Variants in COCH observed in about 807,000 individuals in gnomAD.
COCH encodes cochlin.
Under a neutral mutation model 54.8 loss-of-function variants are expected in COCH, and 40 were observed. The ratio of observed to expected loss-of-function variants is 0.73; its 90% CI spans 0.57 to 0.95. The LOEUF (loss-of-function observed/expected upper bound fraction) is 0.95. Ranked by LOEUF, COCH falls within the 40% of genes least tolerant of loss-of-function variation. COCH has a pLI of 0.00. For missense variants in COCH, 605 were observed against 675.0 expected, an observed-to-expected ratio of 0.90 and a Z score of 1.15; for synonymous variants, 256 against 237.9, an observed-to-expected ratio of 1.08 and a Z score of -0.70.
intron 5 of COCH, 91 bp downstream of exon 5, chr14:30,879,035 GAA>G (rs1895477125): frequency 6.5e-7 from 1 of 1,533,594 alleles, no homozygotes; most frequent in Admixed American, 1.7e-5. Context: ...AACCTTGATG[GAA>G]AAACCTGTGA....
In COCH at chr14:30,882,120, G is replaced by GTTTTTTTTTTTTTTTTTTTTTTTTTTT. The variant is rs61175020; in HGVS notation, c.629+1387_629+1413dup. ...CCCTAGAGATAATCACTATAAAATG[G>GTTTTTTTTTTTTTTTTTTTTTTTTTTT]TTTTTTTTTTTTTTTTTTTTTTTTT... On this transcript the variant is annotated intron_variant, in intron 8 of 11. Transcript: ENST00000396618. 5.9e-4 allele frequency among the ~76,000 whole-genome samples: 40 copies of GTTTTTTTTTTTTTTTTTTTTTTTTTTT among 67,912 alleles called. 6 individuals carry two copies. Among genetic ancestry groups the GTTTTTTTTTTTTTTTTTTTTTTTTTTT allele is most frequent in the Non-Finnish European group, 8.4e-4 (31 of 36,940 alleles). The allele number at this position is 67,912 out of a possible 152,430, so 44.6% of individuals were successfully genotyped here. A position where few individuals can be genotyped will look rare whatever the true frequency, so the allele number is the denominator to read the frequency against.
In COCH at chr14:30,890,408, C is replaced by A; in HGVS notation, c.*617C>A. ...CACACTGAATAAGAGAGCAGGATTG[C>A]CAGGTATTTTTCTATTTCTCTCCTT... is the stretch of plus-strand genomic sequence containing the variant. On this transcript the variant is annotated 3_prime_UTR_variant, in exon 12 of 12. Coordinates refer to ENST00000396618, the MANE Select transcript of COCH (RefSeq NM_004086.3). 1 of 982,540 alleles carries A rather than the reference C, an allele frequency of 1.0e-6. No homozygotes were observed. Among genetic ancestry groups the A allele is most frequent in the Non-Finnish European group, 1.2e-6 (1 of 827,670 alleles). The allele number at this position is 982,540 out of a possible 1,614,324, so 60.9% of individuals were successfully genotyped here.
chr14:30,885,350 G>A (rs1275711942), intron 9 of COCH, 44 bp from the exon 10 acceptor site: 1 of 1,459,750 alleles, frequency 6.9e-7, no homozygotes, highest in East Asian at 2.3e-5. Flanking sequence ...AATGTGGTTT[G>A]AGCAGTGGTA....
downstream of COCH, among the ~76,000 whole-genome samples, chr14:30,893,195 A>T (rs1430700884): frequency 7.9e-6 from 1 of 127,362 alleles, no homozygotes; most frequent in African/African-American, 3.1e-5. Context: ...TCTGTCACCC[A>T]GGCTGGAGTG....
At chr14:30,874,876 C>T (rs2138824084) in intron 1 of COCH, 40 bp from the exon 2 acceptor site, 14 of 1,598,680 alleles carry the variant, frequency 8.8e-6, no homozygotes, top group Non-Finnish European at 1.1e-5. Flanking sequence ...CGCGGGGCCT[C>T]CCGCACCCTG....
chr14:30,879,792 T>C (rs1211323988), intron 6 of COCH, among the ~76,000 whole-genome samples: 1 of 152,176 alleles, frequency 6.6e-6, no homozygotes, highest in East Asian at 1.9e-4. Flanking sequence ...TACAGGCACA[T>C]GCCACCACAC....
chr14:30,888,451 C>T (rs923952924), intron 11 of COCH, among the ~76,000 whole-genome samples: 1 of 152,024 alleles, frequency 6.6e-6, no homozygotes, highest in African/African-American at 2.4e-5. Context: ...TAGAAAATTG[C>T]ACCCAGCATT....
chr14:30,888,589 C>G (rs1438514922), intron 11 of COCH, among the ~76,000 whole-genome samples: 1 of 151,926 alleles, frequency 6.6e-6, no homozygotes, highest in Non-Finnish European at 1.5e-5. Context: ...CGAGATGAGA[C>G]CAGCCTGAAC....
At chr14:30,894,377 A>AAAT (rs371117248), downstream of COCH, 1 of 152,788 alleles carries the variant, frequency 6.5e-6, no homozygotes, top group African/African-American at 2.4e-5. Flanking sequence ...AAGAGTTCCA[A>AAAT]AATAGATATA....
chr14:30,886,130 C>T lies in COCH; in HGVS notation c.1295C>T (p.Ala432Val). Residue 432 changes from alanine to valine, a missense_variant, in exon 11 of 12, where the codon GCT (alanine) becomes GTT (valine). By Grantham distance (64) the Ala-to-Val change is moderately conservative. Transcript: ENST00000396618. ...TDYSTKENVL[A>V]VIRNIRYMSG... ...TATAGCACCAAAGAGAATGTCCTAG[C>T]TGTCATCAGAAACATCCGCTATATG... is the stretch of plus-strand genomic sequence containing the variant. The T allele has an allele frequency of 6.2e-7, 1 of 1,613,126 alleles. No individual in the cohort carries two copies. The highest frequency in any genetic ancestry group is 8.5e-7 in the Non-Finnish European group (1 of 1,179,082).
chr14:30,894,715 G>C, downstream of COCH: 1 of 178,860 alleles, frequency 5.6e-6, no homozygotes, highest in Non-Finnish European at 1.2e-5. Flanking sequence ...AGTGGTTACA[G>C]GGCAACGGGT....
chr14:30,890,592 A>C lies in COCH; in HGVS notation c.*801A>C. ...AATATTGTAGTTTGAATATTTAAGC[A>C]ATAAAACTGCTAGTGAGTTATTGTA... On this transcript the variant is annotated 3_prime_UTR_variant, in exon 12 of 12. Coordinates refer to ENST00000396618, the MANE Select transcript of COCH (RefSeq NM_004086.3). 1.0e-6 allele frequency: 1 copy of C among 972,366 alleles called. No homozygotes were observed. Among genetic ancestry groups the C allele is most frequent in the Non-Finnish European group, 1.2e-6 (1 of 817,752 alleles). 60.2% of individuals were successfully genotyped at this position (972,366 alleles called of 1,614,324 possible).
downstream of COCH, among the ~76,000 whole-genome samples, chr14:30,890,813 G>C (rs992426598): frequency 1.3e-5 from 2 of 152,104 alleles, no homozygotes; most frequent in Admixed American, 1.3e-4. Flanking sequence ...TGAAGCAGGA[G>C]GACTGCTTGA....
chr14:30,879,195 G>A (rs191388377), intron 5 of COCH, among the ~76,000 whole-genome samples: 32 of 152,222 alleles, frequency 2.1e-4, no homozygotes, highest in East Asian at 1.5e-3. Flanking sequence ...CAGAATGCCC[G>A]GACACTTACC....
At chr14:30,874,993 AC>A in intron 2 of COCH, 21 bp downstream of exon 2, 1 of 1,611,460 alleles carries the variant, frequency 6.2e-7, no homozygotes. Context: ...GCCCCTCACG[AC>A]CCCGGCCCCT....
At chr14:30,893,772 C>G (rs375172160), downstream of COCH, 1 of 152,432 alleles carries the variant, frequency 6.6e-6, no homozygotes, top group South Asian at 2.1e-4. Context: ...TTTGAAAGAA[C>G]AGCATAAAAA....
Position 30,877,455 on chromosome 14 carries a change from A to G in COCH, c.83-117A>G, listed in dbSNP as rs1566406495. 7.6e-7 allele frequency: 1 copy of G among 1,318,088 alleles called. No homozygotes were observed. The highest frequency in any genetic ancestry group is 1.5e-5 in the African/African-American group (1 of 68,756). 81.6% of individuals were successfully genotyped at this position (1,318,088 alleles called of 1,614,324 possible). A position where few individuals can be genotyped will look rare whatever the true frequency, so the allele number is the denominator to read the frequency against. Reference sequence around the variant, plus strand: ...TGGAAGGGTATATAAGTCAATAGTCATAACTAGAAGTGTAGAAATTAGGGA... The same window carrying G: ...TGGAAGGGTATATAAGTCAATAGTCGTAACTAGAAGTGTAGAAATTAGGGA... On this transcript the variant is annotated intron_variant, in intron 3 of 11. Transcript: ENST00000396618. This position sits in a 1 kb window ranked among gnomAD's most constrained non-coding sequence, Gnocchi z 8.6.
chr14:30,894,566 G>A (rs1896076610), downstream of COCH: 1 of 152,682 alleles, frequency 6.5e-6, no homozygotes, highest in Admixed American at 6.6e-5. Flanking sequence ...GAGTTCATTT[G>A]GAGTACTAAA....
At chr14:30,884,455 T>C (rs1304989214) in intron 8 of COCH, 98 bp from the exon 9 acceptor site, 10 of 777,692 alleles carry the variant, frequency 1.3e-5, no homozygotes, top group South Asian at 3.0e-5. Flanking sequence ...AAGAAACTTG[T>C]GTGTTGTCTG....
Sources: allele counts gnomAD v4.1 joint callset (sites outside exome capture counted in the v4.1 genomes callset), GRCh38; gene constraint gnomAD v4.1.1; non-coding constraint Gnocchi (gnomAD v3.1); transcripts MANE v1.5; gene names NCBI Gene and HGNC (gene_info 2026-07-23, HGNC 2026-07-21).